Variants in PTGFRN observed in about 807,000 individuals in gnomAD.
PTGFRN encodes prostaglandin F2 receptor negative regulator.
A neutral mutation model predicts 83.2 loss-of-function variants in PTGFRN; 35 were observed. The ratio of observed to expected loss-of-function variants is 0.42; its 90% CI spans 0.32 to 0.56. The LOEUF (loss-of-function observed/expected upper bound fraction) is 0.56, where lower values mean the gene tolerates loss of function less well. Ranked by LOEUF, PTGFRN falls within the 20% of genes least tolerant of loss-of-function variation. The pLI is 0.11. For synonymous variants in PTGFRN, 519 were observed against 498.6 expected (o/e 1.04, Z -0.55); for missense variants, 1,051 against 1,179.5 (o/e 0.89, Z 1.60).
chr1:116,944,932 C>T lies in PTGFRN; in HGVS notation c.672C>T (p.Thr224=), dbSNP rs1160700666. The T allele has an allele frequency of 5.6e-6, 9 of 1,612,962 alleles. No homozygotes were observed. The highest frequency in any genetic ancestry group is 5.0e-5 in the Admixed American group (3 of 60,000). ...ACAGTGGGGACGTGCGCCTCGACAC[C>T]GTGGGCAGCGACGCCTACCGCCTCT... ...RYHSGDVRLD[T]VGSDAYRLSV... The change falls in exon 3 of 9, where the codon ACC becomes ACT. Residue 224 remains threonine, a synonymous_variant. Transcript: ENST00000393203.
intron 7 of PTGFRN, among the ~76,000 whole-genome samples, chr1:116,982,751 T>A (rs1184424541): frequency 6.6e-6 from 1 of 152,216 alleles, no homozygotes; most frequent in East Asian, 1.9e-4. Flanking sequence ...GGAAGGGGAC[T>A]GGGCTTTTCT....
At chr1:116,973,604 CAAAA>C (rs547665093) in intron 6 of PTGFRN, among the ~76,000 whole-genome samples, 9 of 107,126 alleles carry the variant, frequency 8.4e-5, no homozygotes, top group African/African-American at 2.3e-4. Flanking sequence ...GACTCAATCT[CAAAA>C]AAAAAAAAAA....
intron 1 of PTGFRN, among the ~76,000 whole-genome samples, chr1:116,928,947 G>T (rs903361147): frequency 6.6e-6 from 1 of 152,090 alleles, no homozygotes; most frequent in South Asian, 2.1e-4. Flanking sequence ...ACTCTCTAGT[G>T]AGTATCTCCA....
At chr1:116,957,610 A>G (rs191199894) in intron 4 of PTGFRN, among the ~76,000 whole-genome samples, 2 of 152,168 alleles carry the variant, frequency 1.3e-5, no homozygotes, top group Non-Finnish European at 2.9e-5. Flanking sequence ...TCACATACCT[A>G]TAATTTTTTG....
intron 6 of PTGFRN, among the ~76,000 whole-genome samples, chr1:116,971,095 G>C (rs1034625785): frequency 3.9e-5 from 6 of 152,114 alleles, no homozygotes. Context: ...CTGTTAACTT[G>C]TGTTGTTCAT....
chr1:116,971,156 C>G (rs1263757866), intron 6 of PTGFRN, among the ~76,000 whole-genome samples: 3 of 152,164 alleles, frequency 2.0e-5, no homozygotes, highest in Non-Finnish European at 4.4e-5. Context: ...TGAGATCAAG[C>G]TGTACATACA....
intron 1 of PTGFRN, among the ~76,000 whole-genome samples, chr1:116,938,095 AC>A (rs1649966760): frequency 6.6e-6 from 1 of 152,036 alleles, no homozygotes; most frequent in African/African-American, 2.4e-5. Flanking sequence ...AAAAGTGATC[AC>A]CTCATTTCTT....
rs1053852429 is a variant in PTGFRN, at chr1:116,941,584, C to T, written c.50-131C>T. ...TTAGGCTTAACCTTCTGCATAGATA[C>T]ATTTTCCCTAGTAGTTTGGCTGTCA... On this transcript the variant is annotated intron_variant, in intron 1 of 8. Transcript: ENST00000393203. This position sits in a 1 kb window ranked among gnomAD's most constrained non-coding sequence, Gnocchi z 5.0. 2 of 1,258,898 alleles carry T rather than the reference C, an allele frequency of 1.6e-6. No homozygotes were observed. Among genetic ancestry groups the T allele is most frequent in the South Asian group, 1.5e-5 (1 of 68,820 alleles). 78.0% of individuals were successfully genotyped at this position (1,258,898 alleles called of 1,614,324 possible).
intron 6 of PTGFRN, among the ~76,000 whole-genome samples, chr1:116,970,168 G>A (rs1475755930): frequency 1.0e-5 from 1 of 98,582 alleles, no homozygotes; most frequent in Non-Finnish European, 2.5e-5. Context: ...TTCTTGTCTT[G>A]TTTCTGATCA....
At chr1:116,983,059 T>TAA (rs971097472) in intron 7 of PTGFRN, among the ~76,000 whole-genome samples, 2 of 152,186 alleles carry the variant, frequency 1.3e-5, no homozygotes, top group Non-Finnish European at 2.9e-5. Flanking sequence ...GTGACCAACT[T>TAA]TTATTGAGTA....
chr1:116,936,240 T>C (rs1379224228), intron 1 of PTGFRN, among the ~76,000 whole-genome samples: 1 of 90,514 alleles, frequency 1.1e-5, no homozygotes, highest in Non-Finnish European at 2.7e-5. Context: ...TTAGCTGTTA[T>C]TTAACAATAT....
intron 1 of PTGFRN, among the ~76,000 whole-genome samples, chr1:116,934,137 G>C (rs539881894): frequency 6.6e-6 from 1 of 151,674 alleles, no homozygotes; most frequent in East Asian, 1.9e-4. Context: ...ATTTTGTTTT[G>C]TTTTTGTGAT....
chr1:116,961,438 A>T lies in PTGFRN; in HGVS notation c.1409A>T (p.Asp470Val). 2 of 1,614,116 alleles carry T rather than the reference A, an allele frequency of 1.2e-6. No homozygotes were observed. The highest frequency in any genetic ancestry group is 1.7e-6 in the Non-Finnish European group (2 of 1,180,018). The stretch of plus-strand genomic sequence containing the variant: ...GAGCTGCTTGCAGTCATGGACGGGG[A>T]CTGGACGCTAAAATATGGAGAGAGG... Reference protein sequence around the residue: ...TSELLAVMDGDWTLKYGERSK... With the variant: ...TSELLAVMDGVWTLKYGERSK... Residue 470 changes from aspartate to valine, a missense_variant, in exon 5 of 9, where the codon GAC becomes GTC. Around this residue, in one of 3 missense-constraint regions of PTGFRN, gnomAD observed 719 missense variants for 836.6 expected, o/e 0.86. Transcript: ENST00000393203. The surrounding 1 kb of genome is among the most constrained non-coding windows in gnomAD (Gnocchi z 5.4).
intron 1 of PTGFRN, among the ~76,000 whole-genome samples, chr1:116,940,462 T>C (rs933078794): frequency 3.9e-5 from 6 of 152,216 alleles, no homozygotes; most frequent in African/African-American, 1.4e-4. Flanking sequence ...CAGTATGACC[T>C]CATCACAACT....
At position 116,949,062 on chromosome 1, in the gene PTGFRN, C is replaced by A. The variant is rs1291735653; in HGVS notation, c.833-130C>A. On this transcript the variant is annotated intron_variant, in intron 3 of 8. Transcript: ENST00000393203. Reference sequence around the variant, plus strand: ...TCATTAAATATTTCTCAAGCACTTACAACTGTACAAAGCCTTCTAACTTTA... The same window carrying A: ...TCATTAAATATTTCTCAAGCACTTAAAACTGTACAAAGCCTTCTAACTTTA... 7 of 1,144,850 alleles carry A rather than the reference C, an allele frequency of 6.1e-6. No homozygotes were observed. The East Asian group carries it at 9.9e-5, about 16-fold the overall frequency. The allele number at this position is 1,144,850 out of a possible 1,614,324, so 70.9% of individuals were successfully genotyped here.
intron 4 of PTGFRN, among the ~76,000 whole-genome samples, chr1:116,955,249 C>A (rs1009019898): frequency 6.6e-6 from 1 of 152,344 alleles, no homozygotes; most frequent in Non-Finnish European, 1.5e-5. Context: ...GATTAGGGAG[C>A]AGATCCCTGC....
chr1:116,911,028 C>G (rs896465220), intron 1 of PTGFRN, among the ~76,000 whole-genome samples: 4 of 151,164 alleles, frequency 2.6e-5, no homozygotes, highest in Admixed American at 6.6e-5. Context: ...GCCCTCCCCC[C>G]ACCCAAGGAA....
intron 1 of PTGFRN, among the ~76,000 whole-genome samples, chr1:116,911,965 C>T (rs1426631273): frequency 6.6e-6 from 1 of 152,198 alleles, no homozygotes; most frequent in Non-Finnish European, 1.5e-5. Context: ...TGTACAACTT[C>T]GGGAGCTGCT....
intron 1 of PTGFRN, among the ~76,000 whole-genome samples, chr1:116,919,355 A>G (rs1448126586): frequency 6.6e-6 from 1 of 152,042 alleles, no homozygotes; most frequent in Admixed American, 6.6e-5. Context: ...ATTCCTGTCT[A>G]CCTTTTTTGT....
Sources: allele counts gnomAD v4.1 joint callset (sites outside exome capture counted in the v4.1 genomes callset), GRCh38; gene constraint gnomAD v4.1.1; regional missense constraint gnomAD v4.1.1; non-coding constraint Gnocchi (gnomAD v3.1); transcripts MANE v1.5; gene names NCBI Gene and HGNC (gene_info 2026-07-23, HGNC 2026-07-21).